SLC9A8: variants seen among roughly 807,000 people sequenced by gnomAD.
SLC9A8 encodes sodium/hydrogen exchanger 8.
Under a neutral mutation model 66.6 loss-of-function variants are expected in SLC9A8, and 48 were observed. That is an observed-to-expected ratio of 0.72 (90% CI 0.57 to 0.92). The LOEUF is 0.92. Among genes scored for constraint, SLC9A8 ranks in the 40% least tolerant of loss-of-function variants. The pLI is 0.00. For missense variants in SLC9A8, 599 were observed against 747.3 expected (o/e 0.80, Z 2.31); for synonymous variants, 274 against 282.6 (o/e 0.97, Z 0.31).
intron 5 of SLC9A8, among the ~76,000 whole-genome samples, chr20:49,849,226 C>T (rs1401263130): frequency 1.3e-5 from 2 of 152,142 alleles, no homozygotes; most frequent in Non-Finnish European, 2.9e-5. Flanking sequence ...TGGGGGCTAG[C>T]TGCATTTTAA....
intron 2 of SLC9A8, among the ~76,000 whole-genome samples, chr20:49,817,054 G>A (rs976022328): frequency 6.6e-6 from 1 of 151,660 alleles, no homozygotes; most frequent in Non-Finnish European, 1.5e-5. Flanking sequence ...TTGGCCGGGC[G>A]CCGTGGCTCA....
At chr20:49,822,641 G>A (rs1012872927) in intron 2 of SLC9A8, among the ~76,000 whole-genome samples, 1 of 152,124 alleles carries the variant, frequency 6.6e-6, no homozygotes, top group South Asian at 2.1e-4. Context: ...AAAAAAATTA[G>A]TTGGGTGTGG....
intron 5 of SLC9A8, among the ~76,000 whole-genome samples, chr20:49,846,664 A>G (rs1186055187): frequency 6.6e-6 from 1 of 152,160 alleles, no homozygotes; most frequent in Non-Finnish European, 1.5e-5. Context: ...CTATAATCCC[A>G]GCACTTTGAG....
chr20:49,861,530 G>C (rs1400961774), intron 8 of SLC9A8, among the ~76,000 whole-genome samples: 1 of 152,118 alleles, frequency 6.6e-6, no homozygotes, highest in Non-Finnish European at 1.5e-5. Flanking sequence ...GTGACAGAGT[G>C]AGACCCTGTC....
chr20:49,835,078 C>T (rs777215350), intron 3 of SLC9A8, among the ~76,000 whole-genome samples: 2 of 152,118 alleles, frequency 1.3e-5, no homozygotes, highest in Non-Finnish European at 2.9e-5. Context: ...AAGTGTAAGT[C>T]GGTACAACCA....
At chr20:49,875,377 G>C (rs1040548725) in intron 11 of SLC9A8, among the ~76,000 whole-genome samples, 2 of 152,098 alleles carry the variant, frequency 1.3e-5, no homozygotes, top group African/African-American at 4.8e-5. Flanking sequence ...TGAATTGCCA[G>C]ACTTTTCAGC....
intron 3 of SLC9A8, among the ~76,000 whole-genome samples, chr20:49,834,401 CTGTGTATATATATAT>C (rs1568813805): frequency 0.026 from 1,279 of 50,046 alleles, 33 homozygotes; most frequent in East Asian, 0.044. Flanking sequence ...TATATATATA[CTGTGTATATATATAT>C]ACTGTATATA....
chr20:49,880,066 G>A (rs1450460507), intron 12 of SLC9A8, among the ~76,000 whole-genome samples: 1 of 151,874 alleles, frequency 6.6e-6, no homozygotes, highest in Non-Finnish European at 1.5e-5. Context: ...TTTGAGACCA[G>A]CCTGGGCAAC....
chr20:49,887,794 A>G (rs2089943748), intron 15 of SLC9A8, 35 bp from the exon 16 acceptor site: 1 of 1,521,536 alleles, frequency 6.6e-7, no homozygotes, highest in East Asian at 2.3e-5. Context: ...CCTGCCCCTG[A>G]CGCCCTGACG....
At chr20:49,825,963 C>T (rs144482743) in intron 3 of SLC9A8, among the ~76,000 whole-genome samples, 1 of 152,308 alleles carries the variant, frequency 6.6e-6, no homozygotes, top group Non-Finnish European at 1.5e-5. Flanking sequence ...ACCTGGCGAC[C>T]TCAACTGGGA....
chr20:49,886,656 G>T lies in SLC9A8; in HGVS notation c.1492-96G>T. 7.0e-7 allele frequency: 1 copy of T among 1,436,332 alleles called. No homozygotes were observed. Among genetic ancestry groups the T allele is most frequent in the African/African-American group, 1.4e-5 (1 of 70,938 alleles). 89.0% of individuals were successfully genotyped at this position (1,436,332 alleles called of 1,614,324 possible). A position where few individuals can be genotyped will look rare whatever the true frequency, so the allele number is the denominator to read the frequency against. ...TGATGGTCAAGTGGAGTTAGGGTTG[G>T]GGACACTGGCGGCCTGGGTGGTGTG... On this transcript the variant is annotated intron_variant, in intron 14 of 15. Coordinates refer to ENST00000361573, the MANE Select transcript of SLC9A8 (RefSeq NM_015266.3). This position sits in a 1 kb window ranked among gnomAD's most constrained non-coding sequence, Gnocchi z 4.8.
chr20:49,838,445 G>A (rs569757293), intron 3 of SLC9A8, among the ~76,000 whole-genome samples: 2 of 152,142 alleles, frequency 1.3e-5, no homozygotes, highest in African/African-American at 4.8e-5. Flanking sequence ...GCTTTATTTT[G>A]TCTTGGGTCC....
chr20:49,828,206 G>A (rs959378414), intron 3 of SLC9A8, among the ~76,000 whole-genome samples: 12 of 148,780 alleles, frequency 8.1e-5, no homozygotes, highest in South Asian at 2.1e-4. Flanking sequence ...TCAGCCTCCC[G>A]AGTAGCTGGG....
chr20:49,816,500 G>C (rs2086554259), intron 2 of SLC9A8, among the ~76,000 whole-genome samples: 1 of 151,976 alleles, frequency 6.6e-6, no homozygotes, highest in Non-Finnish European at 1.5e-5. Flanking sequence ...TCAGCATAGA[G>C]AAGTCAGGTG....
At chr20:49,831,766 C>T (rs1162509918) in intron 3 of SLC9A8, among the ~76,000 whole-genome samples, 2 of 152,168 alleles carry the variant, frequency 1.3e-5, no homozygotes, top group Non-Finnish European at 2.9e-5. Flanking sequence ...CCTAGCACTC[C>T]TTAGACGCCT....
chr20:49,855,306 A>G (rs939519521), intron 7 of SLC9A8, 132 bp from the exon 8 acceptor site: 13 of 924,722 alleles, frequency 1.4e-5, no homozygotes, highest in Middle Eastern at 4.5e-4. Context: ...AAAATACGCT[A>G]CCTTCTGTAA....
At chr20:49,830,400 A>G in intron 3 of SLC9A8, 5 of 832,312 alleles carry the variant, frequency 6.0e-6, no homozygotes, top group Non-Finnish European at 1.1e-5. Flanking sequence ...AACCTGTGAC[A>G]TCACTTTCGC....
rs2086403644 is a variant in SLC9A8 at position 49,812,956 on chromosome 20, G to C, written c.26+8G>C. 2.1e-6 allele frequency: 3 copies of C among 1,421,848 alleles called. No homozygotes were observed. Among genetic ancestry groups the C allele is most frequent in the Non-Finnish European group, 2.8e-6 (3 of 1,088,468 alleles). 88.1% of individuals were successfully genotyped at this position (1,421,848 alleles called of 1,614,324 possible). ...GAAGATGGCGGAAGAGGAGTGAGTG[G>C]GCTTTTTCCCGGGCGGCGGAGGCGG... On this transcript the variant is annotated splice_region_variant and intron_variant, in intron 1 of 15. Coordinates refer to ENST00000361573, the MANE Select transcript of SLC9A8 (RefSeq NM_015266.3).
chr20:49,812,909 G>T lies in SLC9A8; in HGVS notation c.-14G>T. 1 of 1,492,138 alleles carries T rather than the reference G, an allele frequency of 6.7e-7. No homozygotes were observed. 92.4% of individuals were successfully genotyped at this position (1,492,138 alleles called of 1,614,324 possible). A position where few individuals can be genotyped will look rare whatever the true frequency, so the allele number is the denominator to read the frequency against. The stretch of plus-strand genomic sequence containing the variant: ...CCGCGGCTCCGAACTCGGTGGTCCT[G>T]GAAGCTCCGCAGGATGGGGGAGAAG... On this transcript the variant is annotated 5_prime_UTR_variant, in exon 1 of 16. Coordinates refer to ENST00000361573, the MANE Select transcript of SLC9A8 (RefSeq NM_015266.3).
Sources: allele counts gnomAD v4.1 joint callset (sites outside exome capture counted in the v4.1 genomes callset), GRCh38; gene constraint gnomAD v4.1.1; non-coding constraint Gnocchi (gnomAD v3.1); transcripts MANE v1.5; gene names NCBI Gene and HGNC (gene_info 2026-07-23, HGNC 2026-07-21).